The following PITPNM2 variants were observed in gnomAD, a reference collection of about 807,000 sequenced individuals.
The protein encoded by PITPNM2 is phosphatidylinositol transfer protein membrane associated 2.
In PITPNM2, 35 loss-of-function variants were observed where a neutral mutation model predicts 132.2. The ratio of observed to expected loss-of-function variants is 0.26; its 90% CI spans 0.20 to 0.35. The LOEUF is 0.35. Among genes scored for constraint, PITPNM2 ranks in the 10% least tolerant of loss-of-function variants. The probability of loss-of-function intolerance (pLI) is 1.00; values close to 1 mark genes in which losing one functional copy is unlikely to be tolerated. For missense variants in PITPNM2, 1,332 were observed against 1,912.0 expected, an observed-to-expected ratio of 0.70 and a Z score of 5.66; for synonymous variants, 738 against 799.2, an observed-to-expected ratio of 0.92 and a Z score of 1.29.
intron 3 of PITPNM2, 130 bp downstream of exon 3, chr12:123,034,383 A>C (rs1414169639): frequency 2.4e-6 from 2 of 834,446 alleles, no homozygotes; most frequent in Non-Finnish European, 3.9e-6. Context: ...AGCACAATTC[A>C]CACTTACCAG....
chr12:123,071,262 C>T (rs2041613998), intron 2 of PITPNM2, among the ~76,000 whole-genome samples: 1 of 152,236 alleles, frequency 6.6e-6, no homozygotes, highest in South Asian at 2.1e-4. Flanking sequence ...CCAGCCCCTG[C>T]TCTTTCTGGG....
chr12:122,985,821 G>A lies in PITPNM2; in HGVS notation c.*206C>T, dbSNP rs2037906917. ...TGCCATCCTGGGGCTGGTGGTCCCTGCCAGCTTCCATGACAAGCCGGACCC... is the reference window on the plus strand; with the variant it reads ...TGCCATCCTGGGGCTGGTGGTCCCTACCAGCTTCCATGACAAGCCGGACCC... On this transcript the variant is annotated 3_prime_UTR_variant, in exon 26 of 26. Coordinates refer to ENST00000320201, the MANE Select transcript of PITPNM2 (RefSeq NM_020845.3). 2.2e-6 allele frequency: 1 copy of A among 461,430 alleles called. No homozygotes were observed. Among genetic ancestry groups the A allele is most frequent in the Non-Finnish European group, 3.6e-6 (1 of 274,164 alleles). The allele number at this position is 461,430 out of a possible 1,614,324, so 28.6% of individuals were successfully genotyped here.
At chr12:123,140,744 G>C (rs796523482) in intron 1 of PITPNM2, among the ~76,000 whole-genome samples, 20 of 152,078 alleles carry the variant, frequency 1.3e-4, no homozygotes, top group African/African-American at 4.3e-4. Context: ...CCCCACTCCT[G>C]CTCTCTAACC....
In PITPNM2 at chr12:123,008,581, G is replaced by A. The variant is rs1450041930; in HGVS notation, c.643+1269C>T. ...CTGTGAGCCCTGGGTAATGGAGAGA[G>A]GCAGGTTTGGGCCAATCTAAGCTCC... On this transcript the variant is annotated intron_variant, in intron 6 of 25. Transcript: ENST00000320201. This position sits in a 1 kb window ranked among gnomAD's most constrained non-coding sequence, Gnocchi z 4.1. 1.3e-5 allele frequency among the ~76,000 whole-genome samples: 2 copies of A among 152,182 alleles called. No homozygotes were observed. Among genetic ancestry groups the A allele is most frequent in the Non-Finnish European group, 2.9e-5 (2 of 68,032 alleles).
At chr12:123,118,629 G>C (rs1306109388) in intron 1 of PITPNM2, among the ~76,000 whole-genome samples, 1 of 152,240 alleles carries the variant, frequency 6.6e-6, no homozygotes, top group Admixed American at 6.5e-5. Context: ...CACGGGGCCA[G>C]TGTGTGAGGG....
intron 1 of PITPNM2, among the ~76,000 whole-genome samples, chr12:123,115,420 C>T (rs1472246961): frequency 6.6e-6 from 1 of 152,052 alleles, no homozygotes; most frequent in South Asian, 2.1e-4. Context: ...TGGCAAGTGG[C>T]AAAAGCAGAG....
At chr12:123,120,271 C>A (rs899213688) in intron 1 of PITPNM2, among the ~76,000 whole-genome samples, 4 of 152,134 alleles carry the variant, frequency 2.6e-5, no homozygotes, top group African/African-American at 9.7e-5. Flanking sequence ...TGAGCTTCGA[C>A]GGCCCCTCAC....
intron 5 of PITPNM2, chr12:123,010,572 G>A: frequency 6.3e-6 from 1 of 158,024 alleles, no homozygotes; most frequent in Non-Finnish European, 1.4e-5. Flanking sequence ...CAGCCAGAGG[G>A]GTGGAATCAA....
At chr12:123,090,779 T>A (rs2042238553) in intron 2 of PITPNM2, 1 of 152,276 alleles carries the variant, frequency 6.6e-6, no homozygotes, top group Non-Finnish European at 1.5e-5. Flanking sequence ...CACAGGGGTA[T>A]GACTATGGGG....
chr12:123,014,129 T>C, intron 3 of PITPNM2, 87 bp from the exon 4 acceptor site: 1 of 1,428,308 alleles, frequency 7.0e-7, no homozygotes, highest in Non-Finnish European at 9.7e-7. Flanking sequence ...CCCAGGGGTG[T>C]GGAAAGGGAG....
At chr12:123,054,086 T>C (rs1309225965) in intron 2 of PITPNM2, among the ~76,000 whole-genome samples, 1 of 152,178 alleles carries the variant, frequency 6.6e-6, no homozygotes, top group East Asian at 1.9e-4. Flanking sequence ...ACTTGCTATA[T>C]CATCAATTTA....
At chr12:123,035,473 C>T (rs1160467161) in intron 2 of PITPNM2, among the ~76,000 whole-genome samples, 1 of 152,126 alleles carries the variant, frequency 6.6e-6, no homozygotes, top group African/African-American at 2.4e-5. Flanking sequence ...CAAGACCAGA[C>T]TGGCCAACAT....
chr12:123,017,352 A>G (rs1036979154), intron 3 of PITPNM2, among the ~76,000 whole-genome samples: 1 of 151,952 alleles, frequency 6.6e-6, no homozygotes, highest in Non-Finnish European at 1.5e-5. Flanking sequence ...AGCCTGGGTG[A>G]CAGTGAGACT....
Position 123,108,635 on chromosome 12 carries a change from TAAAACAAAACAGA to T in PITPNM2, c.-96+1737_-96+1749del, listed in dbSNP as rs1457292047. Among the ~76,000 whole-genome samples the T allele has an allele frequency of 6.6e-6, 1 of 152,076 alleles. No individual in the cohort carries two copies. The highest frequency in any genetic ancestry group is 2.4e-5 in the African/African-American group (1 of 41,400). On this transcript the variant is annotated intron_variant, in intron 2 of 25. Coordinates refer to ENST00000320201, the MANE Select transcript of PITPNM2 (RefSeq NM_020845.3). The surrounding 1 kb of genome is among the most constrained non-coding windows in gnomAD (Gnocchi z 4.4). ...AGCTGGGACACCTTGGAAAGTGAAT[TAAAACAAAACAGA>T]AAAACAAAAAATACAACATAGCACT...
At chr12:123,055,199 G>A (rs976046697) in intron 2 of PITPNM2, among the ~76,000 whole-genome samples, 5 of 152,244 alleles carry the variant, frequency 3.3e-5, no homozygotes, top group African/African-American at 1.2e-4. Flanking sequence ...TGTCCTCTGA[G>A]TCCACAGAAG....
Position 123,009,788 on chromosome 12 carries a change from G to C in PITPNM2, c.643+62C>G, listed in dbSNP as rs2039104339. 1.4e-6 allele frequency: 2 copies of C among 1,450,540 alleles called. No individual in the cohort carries two copies. The highest frequency in any genetic ancestry group is 1.9e-6 in the Non-Finnish European group (2 of 1,034,232). 89.9% of individuals were successfully genotyped at this position (1,450,540 alleles called of 1,614,324 possible). ...GCAAAGAGAGGAGGCAGACAGGCAG[G>C]TGACAGGAGACAGAGGGGTTGGGTA... On this transcript the variant is annotated intron_variant, in intron 6 of 25. Coordinates refer to ENST00000320201, the MANE Select transcript of PITPNM2 (RefSeq NM_020845.3). The surrounding 1 kb of genome is among the most constrained non-coding windows in gnomAD (Gnocchi z 4.8).
chr12:122,990,791 TC>T, intron 16 of PITPNM2, 82 bp from the exon 17 acceptor site: 1 of 1,430,112 alleles, frequency 7.0e-7, no homozygotes, highest in Non-Finnish European at 9.4e-7. Flanking sequence ...TGTGCCAGGG[TC>T]CAGTGTGCAC....
At chr12:123,088,006 GCTACTCT>G (rs1214178535) in intron 2 of PITPNM2, 1 of 152,204 alleles carries the variant, frequency 6.6e-6, no homozygotes. Flanking sequence ...ATGAGATTAT[GCTACTCT>G]CTACCTCAGA....
At chr12:123,065,704 G>A (rs1282382535) in intron 2 of PITPNM2, among the ~76,000 whole-genome samples, 3 of 152,180 alleles carry the variant, frequency 2.0e-5, no homozygotes, top group Non-Finnish European at 4.4e-5. Context: ...AGGATGAGGA[G>A]GCAGCTCCCC....
Sources: gnomAD v4.1 joint callset for allele counts (sites outside exome capture counted in the v4.1 genomes callset) on GRCh38, gnomAD v4.1.1 for gene constraint, Gnocchi (gnomAD v3.1) non-coding constraint, MANE v1.5 for transcripts, NCBI Gene and HGNC (gene_info 2026-07-23, HGNC 2026-07-21) for gene names.